The following JADE1 variants were observed in gnomAD, a reference collection of about 807,000 sequenced individuals.
JADE1 encodes jade family PHD finger 1, also known as protein Jade-1.
In JADE1, 14 loss-of-function variants were observed where a neutral mutation model predicts 81.8. The observed-to-expected ratio is 0.17, with a 90% confidence interval of 0.11 to 0.27. The LOEUF (loss-of-function observed/expected upper bound fraction) is 0.27, where lower values mean the gene tolerates loss of function less well. Ranked by LOEUF, JADE1 falls within the 10% of genes least tolerant of loss-of-function variation. The pLI is 1.00. For synonymous variants in JADE1, 353 were observed against 391.9 expected (o/e 0.90, Z 1.17); for missense variants, 690 against 1,047.9 (o/e 0.66, Z 4.71).
In JADE1 at chr4:128,861,924, C is replaced by T. The variant is rs765314849; in HGVS notation, c.1202C>T (p.Ala401Val). ...CCCCGGAATCCGCTGGAGCCCTTTGCCAGCCTTGAGCAGAACCGGGAGGAG... is the reference window on the plus strand; with the variant it reads ...CCCCGGAATCCGCTGGAGCCCTTTGTCAGCCTTGAGCAGAACCGGGAGGAG... ...CSPRNPLEPFASLEQNREEAH... is the reference protein window; with the variant it reads ...CSPRNPLEPFVSLEQNREEAH... The change falls in exon 9 of 11, where the codon GCC (alanine) becomes GTC (valine). Residue 401 changes from alanine (A) to valine (V), a missense_variant. Physicochemically the swap from Ala to Val is moderately conservative, Grantham distance 64. Transcript: ENST00000226319. 3.1e-6 allele frequency: 5 copies of T among 1,613,978 alleles called. No individual in the cohort carries two copies. In the East Asian group the frequency reaches 1.1e-4, roughly 36 times the overall value.
intron 1 of JADE1, chr4:128,811,860 A>G (rs1726432542): frequency 6.6e-6 from 1 of 151,636 alleles, no homozygotes; most frequent in African/African-American, 2.4e-5. Flanking sequence ...CAGTTTCCAG[A>G]ACTGTCTGGG....
At chr4:128,828,732 G>C (rs1302091895) in intron 1 of JADE1, among the ~76,000 whole-genome samples, 1 of 152,114 alleles carries the variant, frequency 6.6e-6, no homozygotes, top group African/African-American at 2.4e-5. Flanking sequence ...GCTTCCTCAG[G>C]GAGTTGTGTT....
At chr4:128,818,682 C>T (rs1357989785) in intron 1 of JADE1, among the ~76,000 whole-genome samples, 1 of 152,086 alleles carries the variant, frequency 6.6e-6, no homozygotes, top group Admixed American at 6.6e-5. Flanking sequence ...GCCAGAGCAA[C>T]CATGGGCAAA....
chr4:128,869,414 A>C (rs1291841176), intron 10 of JADE1, among the ~76,000 whole-genome samples: 1 of 152,206 alleles, frequency 6.6e-6, no homozygotes, highest in East Asian at 1.9e-4. Flanking sequence ...GGTGCAGATC[A>C]CCGAGCCTAC....
At chr4:128,815,591 TTG>T (rs1486830888) in intron 1 of JADE1, among the ~76,000 whole-genome samples, 1 of 152,212 alleles carries the variant, frequency 6.6e-6, no homozygotes, top group East Asian at 1.9e-4. Context: ...TATCAGATGT[TTG>T]TGTTTCAGTA....
intron 6 of JADE1, among the ~76,000 whole-genome samples, chr4:128,854,593 G>T (rs1198375292): frequency 6.6e-6 from 1 of 152,124 alleles, no homozygotes; most frequent in Non-Finnish European, 1.5e-5. Flanking sequence ...CATCCTTGTG[G>T]TTTCCTCTTT....
At chr4:128,825,109 G>C (rs1380798243) in intron 1 of JADE1, among the ~76,000 whole-genome samples, 1 of 152,054 alleles carries the variant, frequency 6.6e-6, no homozygotes, top group Non-Finnish European at 1.5e-5. Context: ...GTATGATCTT[G>C]ACTCACTGCA....
intron 2 of JADE1, among the ~76,000 whole-genome samples, chr4:128,838,979 A>G (rs991798733): frequency 1.3e-5 from 2 of 152,254 alleles, no homozygotes; most frequent in Middle Eastern, 6.8e-3. Flanking sequence ...GCTCAAACGC[A>G]TGTCTTCTAT....
chr4:128,865,655 A>G (rs1731727854), intron 9 of JADE1, among the ~76,000 whole-genome samples: 1 of 152,190 alleles, frequency 6.6e-6, no homozygotes, highest in East Asian at 1.9e-4. Flanking sequence ...GGAGTTGGTC[A>G]GGGCTGATTT....
At chr4:128,817,797 C>T (rs1381274564) in intron 1 of JADE1, among the ~76,000 whole-genome samples, 1 of 152,152 alleles carries the variant, frequency 6.6e-6, no homozygotes, top group African/African-American at 2.4e-5. Context: ...TGGGTGTTTC[C>T]TTAAGCACAT....
rs751305719 is a variant in JADE1, at chr4:128,872,968, G to A, written c.*706G>A. On this transcript the variant is annotated 3_prime_UTR_variant, in exon 11 of 11. Transcript: ENST00000226319. ...GTGGGTTGTGGATATGGGACTGGTG[G>A]AGAGTGAGACTGTTAGGAAAGTTGT... 2.2e-5 allele frequency: 10 copies of A among 453,670 alleles called. No individual in the cohort carries two copies. The highest frequency in any genetic ancestry group is 1.6e-4 in the South Asian group (10 of 64,300). 28.1% of individuals were successfully genotyped at this position (453,670 alleles called of 1,614,324 possible).
chr4:128,842,759 C>T (rs962652917), intron 2 of JADE1, among the ~76,000 whole-genome samples, 194 bp from the exon 3 acceptor site: 21 of 152,224 alleles, frequency 1.4e-4, no homozygotes, highest in African/African-American at 5.1e-4. Flanking sequence ...CACATTAGGC[C>T]TGCTTATGAG....
At chr4:128,854,909 T>G (rs534702152) in intron 6 of JADE1, among the ~76,000 whole-genome samples, 1 of 152,374 alleles carries the variant, frequency 6.6e-6, no homozygotes, top group African/African-American at 2.4e-5. Flanking sequence ...AAACAGGCTT[T>G]GTTTTATTTT....
At chr4:128,829,446 A>T (rs947742012) in intron 1 of JADE1, among the ~76,000 whole-genome samples, 1 of 152,194 alleles carries the variant, frequency 6.6e-6, no homozygotes, top group Non-Finnish European at 1.5e-5. Context: ...TAACTGGGTG[A>T]GTTTCTCAGG....
At chr4:128,825,731 G>A (rs575262098) in intron 1 of JADE1, among the ~76,000 whole-genome samples, 1 of 152,288 alleles carries the variant, frequency 6.6e-6, no homozygotes, top group South Asian at 2.1e-4. Flanking sequence ...CGTCTACCTT[G>A]ATAAAATTTT....
intron 1 of JADE1, among the ~76,000 whole-genome samples, chr4:128,827,031 A>AATTAGCC (rs1728140173): frequency 6.6e-6 from 1 of 152,100 alleles, no homozygotes; most frequent in Non-Finnish European, 1.5e-5. Context: ...AATCCTATCA[A>AATTAGCC]ATTAGCCATA....
chr4:128,812,439 C>T (rs1290628858), intron 1 of JADE1, among the ~76,000 whole-genome samples: 1 of 152,032 alleles, frequency 6.6e-6, no homozygotes, highest in East Asian at 1.9e-4. Flanking sequence ...CCCCCACAAC[C>T]CCGGGGTGCC....
chr4:128,810,988 A>T (rs1232544939), intron 1 of JADE1, among the ~76,000 whole-genome samples: 1 of 152,188 alleles, frequency 6.6e-6, no homozygotes, highest in Non-Finnish European at 1.5e-5. Context: ...TTGCTTCCTT[A>T]AATGAACGTG....
intron 2 of JADE1, among the ~76,000 whole-genome samples, chr4:128,839,308 C>T (rs1249955010): frequency 2.0e-5 from 3 of 152,170 alleles, no homozygotes; most frequent in Non-Finnish European, 4.4e-5. Context: ...GTTCACAACC[C>T]CCTCCCAGAT....
Sources: gnomAD v4.1 joint callset for allele counts (sites outside exome capture counted in the v4.1 genomes callset) on GRCh38, gnomAD v4.1.1 for gene constraint, MANE v1.5 for transcripts, NCBI Gene and HGNC (gene_info 2026-07-23, HGNC 2026-07-21) for gene names.